Variants in KCNQ1 observed in about 807,000 individuals in gnomAD.
The protein encoded by KCNQ1 is potassium voltage-gated channel subfamily KQT member 1.
A neutral mutation model predicts 72.4 loss-of-function variants in KCNQ1; 49 were observed. The observed-to-expected ratio is 0.68, with a 90% CI of 0.54 to 0.86. KCNQ1 has a LOEUF of 0.86. Among genes scored for constraint, KCNQ1 ranks in the 40% least tolerant of loss-of-function variants. The probability of loss-of-function intolerance (pLI) is 0.00; values close to 1 mark genes in which losing one functional copy is unlikely to be tolerated. For synonymous variants in KCNQ1, 450 were observed against 412.6 expected, an observed-to-expected ratio of 1.09 and a Z score of -1.10; for missense variants, 790 against 945.1, an observed-to-expected ratio of 0.84 and a Z score of 2.15.
At chr11:2,736,811 C>A (rs977224559) in intron 11 of KCNQ1, among the ~76,000 whole-genome samples, 1 of 152,254 alleles carries the variant, frequency 6.6e-6, no homozygotes, top group African/African-American at 2.4e-5. Flanking sequence ...TCTGCTGGGC[C>A]TGGTGGGGCC....
Position 2,662,057 on chromosome 11 carries a change from T to C in KCNQ1, c.1490T>C (p.Leu497Pro), listed in dbSNP as rs1408985396. 6.2e-7 allele frequency: 1 copy of C among 1,614,238 alleles called. No individual in the cohort carries two copies. The highest frequency in any genetic ancestry group is 8.5e-7 in the Non-Finnish European group (1 of 1,180,046). The change falls in exon 11 of 16, where the codon CTG (leucine) becomes CCG (proline). Residue 497 changes from leucine (L) to proline (P), a missense_variant. Leu to Pro is a moderately conservative substitution (Grantham distance 98). Transcript: ENST00000155840. ...EDLDLEGETL[L>P]TPITHISQLR... Reference sequence around the variant, plus strand: ...CTGGACCTGGAAGGGGAGACTCTGCTGACACCCATCACCCACATCTCACAG... The same window carrying C: ...CTGGACCTGGAAGGGGAGACTCTGCCGACACCCATCACCCACATCTCACAG...
chr11:2,561,329 C>T (rs902178720), intron 2 of KCNQ1, among the ~76,000 whole-genome samples: 2 of 152,320 alleles, frequency 1.3e-5, no homozygotes, highest in African/African-American at 2.4e-5. Context: ...CAGCACGGGA[C>T]GGGGCGTCAG....
rs1180806322 is a variant in KCNQ1 at position 2,621,288 on chromosome 11, C to T, written c.1393+32434C>T. ...CCACCGTGCCTGGCCTCATTATTTG[C>T]ATTTCTGATTATTAGTGATCATGAG... is the stretch of plus-strand genomic sequence containing the variant. On this transcript the variant is annotated intron_variant, in intron 10 of 15. Transcript: ENST00000155840. This position sits in a 1 kb window ranked among gnomAD's most constrained non-coding sequence, Gnocchi z 5.7. The T allele has an allele frequency of 5.0e-6, 2 of 398,326 alleles. No individual in the cohort carries two copies. Among genetic ancestry groups the T allele is most frequent in the East Asian group, 3.6e-5 (1 of 28,084 alleles). The allele number at this position is 398,326 out of a possible 1,614,324, so 24.7% of individuals were successfully genotyped here. A position where few individuals can be genotyped will look rare whatever the true frequency, so the allele number is the denominator to read the frequency against.
rs1170438683 is a variant in KCNQ1 at position 2,483,481 on chromosome 11, A to G, written c.386+37997A>G. Among the ~76,000 whole-genome samples, 1 of 152,086 alleles carries G rather than the reference A, an allele frequency of 6.6e-6. No individual in the cohort carries two copies. Among genetic ancestry groups the G allele is most frequent in the Non-Finnish European group, 1.5e-5 (1 of 68,024 alleles). On this transcript the variant is annotated intron_variant, in intron 1 of 15. Coordinates refer to ENST00000155840, the MANE Select transcript of KCNQ1 (RefSeq NM_000218.3). The surrounding 1 kb of genome is among the most constrained non-coding windows in gnomAD (Gnocchi z 6.1). ...TCTGATTCAAATCCCGCGTTTTTCT[A>G]GCATCCGGTTTCTGTTCTGTGATCC... is the stretch of plus-strand genomic sequence containing the variant.
intron 1 of KCNQ1, among the ~76,000 whole-genome samples, chr11:2,461,230 C>T (rs996182548): frequency 3.3e-5 from 5 of 151,898 alleles, no homozygotes; most frequent in South Asian, 2.1e-4. Context: ...ATGTGCAGGG[C>T]TGTTTGAAGG....
At chr11:2,573,136 G>C in intron 6 of KCNQ1, 150 bp downstream of exon 6, 1 of 961,136 alleles carries the variant, frequency 1.0e-6, no homozygotes, top group Non-Finnish European at 1.5e-6. Flanking sequence ...ACCTGTGCTT[G>C]GAGCCGCTGG....
At chr11:2,534,352 C>A (rs962114781) in intron 2 of KCNQ1, among the ~76,000 whole-genome samples, 1 of 152,254 alleles carries the variant, frequency 6.6e-6, no homozygotes, top group Non-Finnish European at 1.5e-5. Flanking sequence ...GGGGCGGTTT[C>A]CCGCAGCACC....
At chr11:2,467,915 C>T (rs1472060479) in intron 1 of KCNQ1, among the ~76,000 whole-genome samples, 2 of 152,206 alleles carry the variant, frequency 1.3e-5, no homozygotes, top group African/African-American at 4.8e-5. Flanking sequence ...TGCCTTCCAC[C>T]TGGTTAGGGA....
At chr11:2,696,958 T>G (rs753806794) in intron 11 of KCNQ1, 11 of 398,484 alleles carry the variant, frequency 2.8e-5, no homozygotes, top group Non-Finnish European at 4.9e-5. Context: ...CTTTAGTTGT[T>G]AAGTTCCTTA....
At chr11:2,548,394 G>A (rs957076923) in intron 2 of KCNQ1, among the ~76,000 whole-genome samples, 93 of 152,176 alleles carry the variant, frequency 6.1e-4, no homozygotes, top group African/African-American at 2.1e-3. Flanking sequence ...GCGTATAATC[G>A]GTCAGGTTAG....
At chr11:2,503,433 G>A (rs536534582) in intron 1 of KCNQ1, among the ~76,000 whole-genome samples, 6 of 150,884 alleles carry the variant, frequency 4.0e-5, no homozygotes, top group Non-Finnish European at 8.8e-5. Flanking sequence ...GCAAACTATC[G>A]CAAGGACAGA....
At chr11:2,470,622 C>T (rs60807509) in intron 1 of KCNQ1, among the ~76,000 whole-genome samples, 7,728 of 151,278 alleles carry the variant, frequency 0.051, 671 homozygotes, top group African/African-American at 0.17. Context: ...CGTATCCAAC[C>T]GCACATCCAT....
chr11:2,781,812 A>G lies in KCNQ1; in HGVS notation c.1794+3775A>G, dbSNP rs1846827390. Reference sequence around the variant, plus strand: ...AAATGTTCATGGCTGAGAGCCGGACACAGGGGAGTCCTGGGTTTCCATGCC... The same window carrying G: ...AAATGTTCATGGCTGAGAGCCGGACGCAGGGGAGTCCTGGGTTTCCATGCC... On this transcript the variant is annotated intron_variant, in intron 15 of 15. Coordinates refer to ENST00000155840, the MANE Select transcript of KCNQ1 (RefSeq NM_000218.3). This position sits in a 1 kb window ranked among gnomAD's most constrained non-coding sequence, Gnocchi z 6.6. 6.6e-6 allele frequency among the ~76,000 whole-genome samples: 1 copy of G among 152,190 alleles called. No homozygotes were observed. The highest frequency in any genetic ancestry group is 1.5e-5 in the Non-Finnish European group (1 of 68,030).
At chr11:2,774,651 C>T (rs1479225940) in intron 12 of KCNQ1, among the ~76,000 whole-genome samples, 1 of 152,170 alleles carries the variant, frequency 6.6e-6, no homozygotes, top group Non-Finnish European at 1.5e-5. Context: ...GTGGCAGAAC[C>T]CCTGGGCATG....
chr11:2,800,581 G>T (rs540039876), intron 15 of KCNQ1, among the ~76,000 whole-genome samples: 1 of 152,240 alleles, frequency 6.6e-6, no homozygotes, highest in Admixed American at 6.5e-5. Flanking sequence ...TTGAGGTGGC[G>T]TTTACAGAAC....
rs1848917057 is a variant in KCNQ1, at chr11:2,608,443, C to T, written c.1393+19589C>T. ...CCTTCATAATCCTTTTTATTTCTGT[C>T]AGGTTGGTAGTATACTTCCCTCATT... On this transcript the variant is annotated intron_variant, in intron 10 of 15. Coordinates refer to ENST00000155840, the MANE Select transcript of KCNQ1 (RefSeq NM_000218.3). The surrounding 1 kb of genome is among the most constrained non-coding windows in gnomAD (Gnocchi z 4.6). The T allele has an allele frequency of 2.5e-6, 1 of 398,310 alleles. No individual in the cohort carries two copies. Among genetic ancestry groups the T allele is most frequent in the Admixed American group, 4.4e-5 (1 of 22,674 alleles). 24.7% of individuals were successfully genotyped at this position (398,310 alleles called of 1,614,324 possible). A position where few individuals can be genotyped will look rare whatever the true frequency, so the allele number is the denominator to read the frequency against.
rs1325677740 is a variant in KCNQ1 at position 2,776,968 on chromosome 11, CTG to C, written c.1686-14_1686-13del. 1.2e-6 allele frequency: 2 copies of C among 1,613,760 alleles called. No homozygotes were observed. The highest frequency in any genetic ancestry group is 1.7e-6 in the Non-Finnish European group (2 of 1,179,692). On this transcript the variant is annotated splice_polypyrimidine_tract_variant and intron_variant, in intron 13 of 15. Transcript: ENST00000155840. ...GCCAGGGCCAGGTGTGAACTGGTGT[CTG>C]TGTCCTTCTCTCCAGGCTGGACCAG...
chr11:2,656,259 G>T (rs1250935577), intron 10 of KCNQ1: 5 of 398,510 alleles, frequency 1.3e-5, no homozygotes, highest in African/African-American at 8.2e-5. Flanking sequence ...ATAACCTAGG[G>T]TACTTGAATC....
chr11:2,804,764 C>T (rs1023841788), intron 15 of KCNQ1, among the ~76,000 whole-genome samples: 2 of 152,162 alleles, frequency 1.3e-5, no homozygotes, highest in Non-Finnish European at 2.9e-5. Flanking sequence ...CCTTCCCCTG[C>T]GCCCACACCC....
Sources: gnomAD v4.1 joint callset for allele counts (sites outside exome capture counted in the v4.1 genomes callset) on GRCh38, gnomAD v4.1.1 for gene constraint, Gnocchi (gnomAD v3.1) non-coding constraint, MANE v1.5 for transcripts, NCBI Gene and HGNC (gene_info 2026-07-23, HGNC 2026-07-21) for gene names.